DHX37: variants seen among roughly 807,000 people sequenced by gnomAD.
The protein encoded by DHX37 is probable ATP-dependent RNA helicase DHX37.
A neutral mutation model predicts 134.3 loss-of-function variants in DHX37; 52 were observed. That is an observed-to-expected ratio of 0.39 (90% CI 0.31 to 0.49). The LOEUF is 0.49. Ranked by LOEUF, DHX37 falls within the 20% of genes least tolerant of loss-of-function variation. The pLI is 0.93. For synonymous variants in DHX37, 634 were observed against 670.7 expected, an observed-to-expected ratio of 0.95 and a Z score of 0.85; for missense variants, 1,344 against 1,580.8, an observed-to-expected ratio of 0.85 and a Z score of 2.54.
chr12:124,964,841 G>T, intron 14 of DHX37, 89 bp downstream of exon 14: 2 of 1,462,674 alleles, frequency 1.4e-6, no homozygotes. Flanking sequence ...TCAAACAGCA[G>T]ATGGAGAGGA....
intron 3 of DHX37, among the ~76,000 whole-genome samples, chr12:124,981,554 C>T (rs1954760975): frequency 6.6e-6 from 1 of 152,114 alleles, no homozygotes; most frequent in South Asian, 2.1e-4. Flanking sequence ...CCCACCTCAG[C>T]CGCCAGAGTA....
intron 1 of DHX37, among the ~76,000 whole-genome samples, chr12:124,987,987 CTTTTTTT>C (rs11349687): frequency 1.3e-5 from 1 of 79,694 alleles, no homozygotes; most frequent in Non-Finnish European, 2.2e-5. Context: ...GTCTGTGGAA[CTTTTTTT>C]TTTTTTTTTT....
chr12:124,973,806 A>C (rs930775303), intron 6 of DHX37, among the ~76,000 whole-genome samples: 11 of 151,652 alleles, frequency 7.3e-5, no homozygotes, highest in Non-Finnish European at 1.5e-4. Flanking sequence ...ACACCCAGCT[A>C]ATTTTTTTGT....
chr12:124,974,191 T>C lies in DHX37; in HGVS notation c.980+1228A>G, dbSNP rs559846560. On this transcript the variant is annotated intron_variant, in intron 6 of 26. Transcript: ENST00000308736. Reference sequence around the variant, plus strand: ...GGATGGTCTCGATCTCCTGACCTCATGATCCACCTGCCTCGGCCTCCCAAA... The same window carrying C: ...GGATGGTCTCGATCTCCTGACCTCACGATCCACCTGCCTCGGCCTCCCAAA... 2.0e-4 allele frequency among the ~76,000 whole-genome samples: 30 copies of C among 151,870 alleles called. No individual in the cohort carries two copies. The South Asian group carries it at 5.8e-3, about 29-fold the overall frequency.
intron 5 of DHX37, among the ~76,000 whole-genome samples, chr12:124,975,712 C>T (rs1289536874): frequency 3.9e-5 from 6 of 152,196 alleles, no homozygotes; most frequent in Non-Finnish European, 7.3e-5. Context: ...TCGACATTCA[C>T]CATGCAGCGG....
At chr12:124,969,145 C>T (rs1022779952) in intron 8 of DHX37, among the ~76,000 whole-genome samples, 177 bp from the exon 9 acceptor site, 5 of 152,102 alleles carry the variant, frequency 3.3e-5, no homozygotes, top group Non-Finnish European at 7.3e-5. Flanking sequence ...CCTGCCGCTC[C>T]CAGGGCGGTG....
At chr12:124,950,379 G>C in intron 23 of DHX37, 34 bp downstream of exon 23, 1 of 1,595,892 alleles carries the variant, frequency 6.3e-7, no homozygotes, top group East Asian at 2.2e-5. Flanking sequence ...GGCTGCAGGA[G>C]GCTCAGGTTG....
In DHX37 at chr12:124,948,150, C is replaced by A. The variant is rs115531779; in HGVS notation, c.3322G>T (p.Ala1108Ser). 790 of 1,614,246 alleles carry A rather than the reference C, an allele frequency of 4.9e-4. 7 individuals are homozygous for A. In the East Asian group the frequency reaches 0.015, roughly 30 times the overall value. Residue 1108 changes from alanine to serine, a missense_variant, in exon 26 of 27, where the codon GCC (alanine) becomes TCC (serine). By Grantham distance (99) the Ala-to-Ser change is moderately conservative (BLOSUM62 1). Transcript: ENST00000308736. ...LQPRTESLLR[A>S]LVAEKADCHE... ...CAGTCAGCCTTCTCTGCAACCAGGG[C>A]TCGCAGAAGGCTCTCCGTACGGGGC...
At chr12:124,956,103 G>A (rs557886110) in intron 18 of DHX37, among the ~76,000 whole-genome samples, 2 of 152,346 alleles carry the variant, frequency 1.3e-5, no homozygotes, top group East Asian at 3.9e-4. Flanking sequence ...AGATGCAGAG[G>A]CTCACAGAGT....
At chr12:124,985,549 A>T (rs1954851241) in intron 2 of DHX37, among the ~76,000 whole-genome samples, 1 of 149,356 alleles carries the variant, frequency 6.7e-6, no homozygotes, top group African/African-American at 2.5e-5. Flanking sequence ...ATCCTGGCTA[A>T]CATGATGAAA....
At chr12:124,987,220 A>G (rs1490600648) in intron 1 of DHX37, among the ~76,000 whole-genome samples, 1 of 152,220 alleles carries the variant, frequency 6.6e-6, no homozygotes, top group Non-Finnish European at 1.5e-5. Flanking sequence ...GCATGCACCT[A>G]TAATCCCAGC....
Position 124,960,482 on chromosome 12 carries a change from A to G in DHX37, c.2046-59T>C, listed in dbSNP as rs569071135. 6.7e-4 allele frequency: 1,074 copies of G among 1,598,374 alleles called. 1 individual carries two copies. The highest frequency in any genetic ancestry group is 8.3e-4 in the Non-Finnish European group (969 of 1,168,588). ...AACTCACACCAAAAACCACAGATGAATACAGCCTGGGCAGACAGAAACCGG... is the reference window on the plus strand; with the variant it reads ...AACTCACACCAAAAACCACAGATGAGTACAGCCTGGGCAGACAGAAACCGG... On this transcript the variant is annotated intron_variant, in intron 15 of 26. Coordinates refer to ENST00000308736, the MANE Select transcript of DHX37 (RefSeq NM_032656.4).
At chr12:124,952,690 A>G (rs6488960) in intron 20 of DHX37, 120 bp from the exon 21 acceptor site, 651,623 of 1,110,044 alleles carry the variant, frequency 0.59, 193,741 homozygotes, top group East Asian at 0.82. Flanking sequence ...GCTTGTCTCA[A>G]CCCCTCCCCA....
Position 124,950,477 on chromosome 12 carries a change from C to A in DHX37, c.3057G>T (p.Glu1019Asp). 6.3e-7 allele frequency: 1 copy of A among 1,580,070 alleles called. No homozygotes were observed. The highest frequency in any genetic ancestry group is 8.6e-7 in the Non-Finnish European group (1 of 1,163,234). ...PSYCQFDKPL[E>D]EPAPTYCPER... The stretch of plus-strand genomic sequence containing the variant: ...CGGGGCAGTATGTAGGGGCTGGTTC[C>A]TCCAGGGGCTTGTCAAACTGGCAGT... The change falls in exon 23 of 27, where the codon GAG becomes GAT. Residue 1019 changes from glutamate to aspartate, a missense_variant. Glu to Asp is a conservative substitution (Grantham distance 45). Transcript: ENST00000308736.
At chr12:124,977,613 C>G in intron 4 of DHX37, 123 bp from the exon 5 acceptor site, 1 of 1,206,532 alleles carries the variant, frequency 8.3e-7, no homozygotes, top group Non-Finnish European at 1.1e-6. Context: ...AACAGAGGCC[C>G]TGACAGCTGG....
chr12:124,968,464 C>T, intron 10 of DHX37, 70 bp downstream of exon 10: 1 of 1,587,450 alleles, frequency 6.3e-7, no homozygotes, highest in South Asian at 1.1e-5. Flanking sequence ...GATGGGCCCT[C>T]CCACACTCGT....
chr12:124,953,575 A>C, intron 20 of DHX37: 16 of 370,366 alleles, frequency 4.3e-5, no homozygotes, highest in East Asian at 6.3e-5. Flanking sequence ...GTGGGAGGGA[A>C]GAGGGGTCCA....
chr12:124,947,604 C>T lies in DHX37; in HGVS notation c.*198G>A. ...ATATAATAAACAGTTCAAAAAGTCA[C>T]CCCCGGGCCAGATGGCACGGGCGGC... is the stretch of plus-strand genomic sequence containing the variant. On this transcript the variant is annotated 3_prime_UTR_variant, in exon 27 of 27. Transcript: ENST00000308736. The T allele has an allele frequency of 1.6e-6, 1 of 618,420 alleles. No individual in the cohort carries two copies. The highest frequency in any genetic ancestry group is 2.5e-5 in the South Asian group (1 of 40,344). The allele number at this position is 618,420 out of a possible 1,614,324, so 38.3% of individuals were successfully genotyped here. A position where few individuals can be genotyped will look rare whatever the true frequency, so the allele number is the denominator to read the frequency against.
chr12:124,958,009 T>C (rs543605962), intron 16 of DHX37, among the ~76,000 whole-genome samples: 2 of 152,262 alleles, frequency 1.3e-5, no homozygotes, highest in Non-Finnish European at 2.9e-5. Context: ...AGGCCACGCA[T>C]TGTAGGATTC....
Sources: allele counts gnomAD v4.1 joint callset (sites outside exome capture counted in the v4.1 genomes callset), GRCh38; gene constraint gnomAD v4.1.1; transcripts MANE v1.5; gene names NCBI Gene and HGNC (gene_info 2026-07-23, HGNC 2026-07-21).